The following APBA2 variants were observed in gnomAD, a reference collection of about 807,000 sequenced individuals.
APBA2 encodes the protein amyloid-beta A4 precursor protein-binding family A member 2.
Under a neutral mutation model 75.0 loss-of-function variants are expected in APBA2, and 30 were observed. That is an observed-to-expected ratio of 0.40 (90% CI 0.30 to 0.54). The LOEUF is 0.54. Among genes scored for constraint, APBA2 ranks in the 20% least tolerant of loss-of-function variants. The pLI, the probability that APBA2 is intolerant of heterozygous loss-of-function variation, is 0.49. For missense variants in APBA2, 801 were observed against 1,016.1 expected, an observed-to-expected ratio of 0.79 and a Z score of 2.88; for synonymous variants, 444 against 409.6, an observed-to-expected ratio of 1.08 and a Z score of -1.01.
chr15:29,076,122 G>T lies in APBA2; in HGVS notation c.1069+31G>T, dbSNP rs759238453. On this transcript the variant is annotated intron_variant, in intron 6 of 14. Transcript: ENST00000683413. ...TGACTTTGAATTTTATTTCTCAAGG[G>T]GCAGTTGCATTTTACATCAAAATAA... 30 of 1,611,216 alleles carry T rather than the reference G, an allele frequency of 1.9e-5. No homozygotes were observed. The South Asian group carries it at 3.1e-4, about 17-fold the overall frequency.
chr15:28,896,217 C>G lies in APBA2; in HGVS notation c.-205+9939C>G, dbSNP rs573593400. On this transcript the variant is annotated intron_variant, in intron 1 of 14. Coordinates refer to ENST00000683413, the MANE Select transcript of APBA2 (RefSeq NM_001353788.2). ...TTTCTGTCATCTTGATGGTTTTAATCAGATATCTAATATTATATTAGTAGT... is the reference window on the plus strand; with the variant it reads ...TTTCTGTCATCTTGATGGTTTTAATGAGATATCTAATATTATATTAGTAGT... 2.2e-4 allele frequency among the ~76,000 whole-genome samples: 33 copies of G among 152,318 alleles called. 1 individual carries two copies. In the South Asian group the frequency reaches 6.4e-3, roughly 30 times the overall value.
chr15:29,113,182 T>G (rs940645055), intron 13 of APBA2, among the ~76,000 whole-genome samples: 4 of 152,072 alleles, frequency 2.6e-5, no homozygotes, highest in African/African-American at 4.8e-5. Context: ...CTGTCCAGTC[T>G]CGTGGTCACA....
chr15:28,941,722 T>C (rs2035238691), intron 2 of APBA2, among the ~76,000 whole-genome samples: 1 of 152,168 alleles, frequency 6.6e-6, no homozygotes, highest in African/African-American at 2.4e-5. Flanking sequence ...CTGAGGATTG[T>C]AAAGGTTGTT....
At position 28,918,923 on chromosome 15, in the gene APBA2, T is replaced by C. The variant is rs1463080063; in HGVS notation, c.-204-2717T>C. Among the ~76,000 whole-genome samples, 9 of 151,850 alleles carry C rather than the reference T, an allele frequency of 5.9e-5. No homozygotes were observed. The highest frequency in any genetic ancestry group is 5.9e-4 in the Admixed American group (9 of 15,260). ...CTCCCAGGCTGGAGTGCAGTGGCGC[T>C]ATCTTGGCTCACTGCAAGCTCCGCC... On this transcript the variant is annotated intron_variant, in intron 1 of 14. Coordinates refer to ENST00000683413, the MANE Select transcript of APBA2 (RefSeq NM_001353788.2). The surrounding 1 kb of genome is among the most constrained non-coding windows in gnomAD (Gnocchi z 4.2).
intron 10 of APBA2, among the ~76,000 whole-genome samples, chr15:29,104,368 C>T (rs764426900): frequency 1.9e-4 from 29 of 152,232 alleles, no homozygotes; most frequent in Admixed American, 7.2e-4. Context: ...AGAGCCCCGC[C>T]GCGCTCCCAG....
chr15:29,105,470 G>A lies in APBA2; in HGVS notation c.1616G>A (p.Ser539Asn), dbSNP rs1336820274. 2 of 1,613,942 alleles carry A rather than the reference G, an allele frequency of 1.2e-6. No individual in the cohort carries two copies. Among genetic ancestry groups the A allele is most frequent in the Middle Eastern group, 1.6e-4 (1 of 6,062 alleles). The change falls in exon 11 of 15, where the codon AGC becomes AAC. Residue 539 changes from serine to asparagine, a missense_variant. Physicochemically the swap from Ser to Asn is conservative, Grantham distance 46. This residue lies in a region of APBA2 where 367 missense variants were observed against 544.5 expected (regional missense o/e 0.67). Coordinates refer to ENST00000683413, the MANE Select transcript of APBA2 (RefSeq NM_001353788.2). The stretch of plus-strand genomic sequence containing the variant: ...AATGGCATCAACCCCGAAGACTTGA[G>A]CCAGAAGGAATACAGCGACATCATC... ...RANGINPEDL[S>N]QKEYSDIINT...
chr15:29,007,003 C>T (rs1322498030), intron 3 of APBA2, among the ~76,000 whole-genome samples: 4 of 152,162 alleles, frequency 2.6e-5, no homozygotes, highest in Non-Finnish European at 4.4e-5. Context: ...TTCCTAATTT[C>T]AAAACTAGCT....
chr15:29,099,071 C>T (rs754321535), intron 9 of APBA2, among the ~76,000 whole-genome samples: 2 of 152,176 alleles, frequency 1.3e-5, no homozygotes, highest in South Asian at 2.1e-4. Flanking sequence ...TGGAACCAGC[C>T]CCCTCCTGGA....
intron 1 of APBA2, among the ~76,000 whole-genome samples, chr15:28,907,364 G>A (rs150108916): frequency 1.8e-4 from 28 of 152,276 alleles, no homozygotes; most frequent in African/African-American, 5.3e-4. Flanking sequence ...GATATCTACC[G>A]TACAAGTTAC....
At chr15:29,075,984 C>T in intron 5 of APBA2, 71 bp from the exon 6 acceptor site, 1 of 1,412,742 alleles carries the variant, frequency 7.1e-7, no homozygotes, top group Non-Finnish European at 1.0e-6. Flanking sequence ...CACAGCCCTG[C>T]TTAGCCTTCA....
At chr15:28,974,016 G>A (rs1397896225) in intron 2 of APBA2, among the ~76,000 whole-genome samples, 1 of 152,108 alleles carries the variant, frequency 6.6e-6, no homozygotes, top group East Asian at 1.9e-4. Flanking sequence ...AAATTAGAGT[G>A]GATTTAACCC....
Position 29,053,831 on chromosome 15 carries a change from G to A in APBA2, c.-40-14G>A, listed in dbSNP as rs529677959. The A allele has an allele frequency of 2.0e-6, 3 of 1,518,876 alleles. No individual in the cohort carries two copies. The highest frequency in any genetic ancestry group is 4.7e-5 in the East Asian group (2 of 42,442). 94.1% of individuals were successfully genotyped at this position (1,518,876 alleles called of 1,614,324 possible). A position where few individuals can be genotyped will look rare whatever the true frequency, so the allele number is the denominator to read the frequency against. Reference sequence around the variant, plus strand: ...GGGTTTTGACTCTGTCCTTCCCAATGTTCCTCCCCACAGTGGCTGCCTCCG... The same window carrying A: ...GGGTTTTGACTCTGTCCTTCCCAATATTCCTCCCCACAGTGGCTGCCTCCG... On this transcript the variant is annotated splice_polypyrimidine_tract_variant and intron_variant, in intron 3 of 14. Coordinates refer to ENST00000683413, the MANE Select transcript of APBA2 (RefSeq NM_001353788.2).
chr15:28,916,142 C>T (rs2033681356), intron 1 of APBA2, among the ~76,000 whole-genome samples: 1 of 152,242 alleles, frequency 6.6e-6, no homozygotes, highest in Non-Finnish European at 1.5e-5. Context: ...GCACCGCCTC[C>T]TGTGTTTTGG....
At chr15:29,083,238 T>C (rs915770618) in intron 6 of APBA2, among the ~76,000 whole-genome samples, 4 of 152,184 alleles carry the variant, frequency 2.6e-5, no homozygotes, top group African/African-American at 9.7e-5. Flanking sequence ...GCCAGAACTA[T>C]CCAAGGAATC....
At chr15:29,029,247 C>T (rs2040371562) in intron 3 of APBA2, among the ~76,000 whole-genome samples, 1 of 152,046 alleles carries the variant, frequency 6.6e-6, no homozygotes, top group Non-Finnish European at 1.5e-5. Context: ...TCTTCCAGCA[C>T]CACTTACAAA....
rs1485755447 is a variant in APBA2 at position 29,105,418 on chromosome 15, G to A, written c.1564G>A (p.Val522Met). 6.2e-7 allele frequency: 1 copy of A among 1,613,022 alleles called. No individual in the cohort carries two copies. Among genetic ancestry groups the A allele is most frequent in the Non-Finnish European group, 8.5e-7 (1 of 1,180,004 alleles). The change falls in exon 11 of 15, where the codon GTG (valine) becomes ATG (methionine). Residue 522 changes from valine (V) to methionine (M), a missense_variant. Physicochemically the swap from Val to Met is conservative, Grantham distance 21. Around this residue, in one of 2 missense-constraint regions of APBA2, gnomAD observed 367 missense variants for 544.5 expected, o/e 0.67. Coordinates refer to ENST00000683413, the MANE Select transcript of APBA2 (RefSeq NM_001353788.2). ...IAQSIGQAFSVAYQEFLRANG... is the reference protein window; with the variant it reads ...IAQSIGQAFSMAYQEFLRANG... ...CCAGTCTATCGGCCAGGCCTTCAGC[G>A]TGGCCTACCAGGAGTTCCTGCGAGC...
chr15:29,054,052 C>A lies in APBA2; in HGVS notation c.168C>A (p.Pro56=), dbSNP rs367887200. 2.5e-6 allele frequency: 4 copies of A among 1,613,716 alleles called. No homozygotes were observed. The highest frequency in any genetic ancestry group is 3.4e-6 in the Non-Finnish European group (4 of 1,180,020). ...LELAALRPES[P]APEEQECHNH... is the part of the protein sequence containing the mutation. ...TGGCTGCCCTGCGGCCAGAGAGCCC[C>A]GCGCCAGAGGAACAGGAGTGCCACA... Residue 56 remains proline, a synonymous_variant, in exon 4 of 15, where the codon CCC becomes CCA. Transcript: ENST00000683413. This position sits in a 1 kb window ranked among gnomAD's most constrained non-coding sequence, Gnocchi z 6.1.
At chr15:28,980,861 T>C (rs894785188) in intron 2 of APBA2, among the ~76,000 whole-genome samples, 3 of 152,026 alleles carry the variant, frequency 2.0e-5, no homozygotes, top group Admixed American at 6.5e-5. Context: ...TGGAACCGAG[T>C]AGAGAACCCA....
Position 29,053,223 on chromosome 15 carries a change from G to T in APBA2, c.-40-622G>T, listed in dbSNP as rs200436889. Among the ~76,000 whole-genome samples, 28 of 152,284 alleles carry T rather than the reference G, an allele frequency of 1.8e-4. No individual in the cohort carries two copies. The East Asian group carries it at 4.4e-3, about 24-fold the overall frequency. On this transcript the variant is annotated intron_variant, in intron 3 of 14. Coordinates refer to ENST00000683413, the MANE Select transcript of APBA2 (RefSeq NM_001353788.2). Reference sequence around the variant, plus strand: ...ATGGCCGAGCAGTGCTGTCCCCTCTGCTGAGCCCTCCAGCCTGCCACGCTG... The same window carrying T: ...ATGGCCGAGCAGTGCTGTCCCCTCTTCTGAGCCCTCCAGCCTGCCACGCTG...
Sources: gnomAD v4.1 joint callset for allele counts (sites outside exome capture counted in the v4.1 genomes callset) on GRCh38, gnomAD v4.1.1 for gene constraint, gnomAD v4.1.1 regional missense constraint, Gnocchi (gnomAD v3.1) non-coding constraint, MANE v1.5 for transcripts, NCBI Gene and HGNC (gene_info 2026-07-23, HGNC 2026-07-21) for gene names.